DLGAP1: variants seen among roughly 807,000 people sequenced by gnomAD.
DLGAP1 encodes the protein disks large-associated protein 1.
A neutral mutation model predicts 90.8 loss-of-function variants in DLGAP1; 11 were observed. That is an observed-to-expected ratio of 0.12 (90% CI 0.08 to 0.20). DLGAP1 has a LOEUF of 0.20. Among genes scored for constraint, DLGAP1 ranks in the 10% least tolerant of loss-of-function variants. DLGAP1 has a pLI of 1.00. For synonymous variants in DLGAP1, 558 were observed against 540.7 expected (o/e 1.03, Z -0.44); for missense variants, 1,050 against 1,333.8 (o/e 0.79, Z 3.31).
At chr18:3,601,822 G>T (rs1357909240) in intron 7 of DLGAP1, among the ~76,000 whole-genome samples, 1 of 146,282 alleles carries the variant, frequency 6.8e-6, no homozygotes, top group African/African-American at 2.6e-5. Context: ...TCCAGCCTGG[G>T]TGACAGAGCG....
chr18:4,030,506 T>G (rs1172619838), intron 2 of DLGAP1, among the ~76,000 whole-genome samples: 1 of 152,214 alleles, frequency 6.6e-6, no homozygotes, highest in Non-Finnish European at 1.5e-5. Flanking sequence ...CATCTGAACC[T>G]CCAGCCCATC....
At chr18:3,507,254 G>A (rs1479203829) in intron 11 of DLGAP1, among the ~76,000 whole-genome samples, 1 of 152,284 alleles carries the variant, frequency 6.6e-6, no homozygotes, top group Non-Finnish European at 1.5e-5. Context: ...GGGAGGCCAA[G>A]ATGGGAGGAT....
intron 6 of DLGAP1, among the ~76,000 whole-genome samples, chr18:3,738,867 A>T (rs1475694826): frequency 1.3e-5 from 2 of 148,228 alleles, no homozygotes; most frequent in Non-Finnish European, 3.0e-5. Flanking sequence ...AATTTTTGCA[A>T]CCTACTCATC....
intron 1 of DLGAP1, among the ~76,000 whole-genome samples, chr18:4,169,207 T>C (rs1197089908): frequency 1.3e-5 from 2 of 152,212 alleles, no homozygotes; most frequent in Non-Finnish European, 2.9e-5. Flanking sequence ...TCCTTGTTAG[T>C]ATTTGTTATA....
intron 1 of DLGAP1, among the ~76,000 whole-genome samples, chr18:4,414,619 G>C (rs12958058): frequency 1.3e-5 from 2 of 151,858 alleles, no homozygotes; most frequent in African/African-American, 4.8e-5. Context: ...CCAGCTACTC[G>C]GGAGGCTGAG....
At chr18:4,072,596 A>T (rs925284566) in intron 2 of DLGAP1, among the ~76,000 whole-genome samples, 1 of 151,762 alleles carries the variant, frequency 6.6e-6, no homozygotes, top group Non-Finnish European at 1.5e-5. Flanking sequence ...CAGCCTCCAG[A>T]GTAGCTGGAA....
intron 2 of DLGAP1, among the ~76,000 whole-genome samples, chr18:4,105,411 AAGTCTTTTATTTC>A (rs1299281010): frequency 6.6e-6 from 1 of 152,228 alleles, no homozygotes; most frequent in Admixed American, 6.5e-5. Flanking sequence ...AGTGAAATAA[AAGTCTTTTATTTC>A]AGAGGTGGAA....
chr18:4,206,603 G>A (rs1462571525), intron 1 of DLGAP1, among the ~76,000 whole-genome samples: 1 of 152,150 alleles, frequency 6.6e-6, no homozygotes, highest in Non-Finnish European at 1.5e-5. Flanking sequence ...GCATGGCTCT[G>A]CCTACTGTCA....
rs1027256373 is a variant in DLGAP1 at position 3,499,360 on chromosome 18, G to A, written c.2759C>T (p.Pro920Leu). The A allele has an allele frequency of 2.5e-5, 39 of 1,551,592 alleles. No individual in the cohort carries two copies. Among genetic ancestry groups the A allele is most frequent in the Non-Finnish European group, 3.4e-5 (39 of 1,148,128 alleles). ...RRAPPPVPKK[P>L]AKGPAPLIRE... ...GATCAGCGGCGCGGGGCCCTTCGCCGGCTTCTTTGGCACTGGAGGAGGGGC... is the reference window on the plus strand; with the variant it reads ...GATCAGCGGCGCGGGGCCCTTCGCCAGCTTCTTTGGCACTGGAGGAGGGGC... Residue 920 changes from proline (P) to leucine (L), a missense_variant, in exon 13 of 13, where the codon CCG becomes CTG. Coordinates refer to ENST00000315677, the MANE Select transcript of DLGAP1 (RefSeq NM_004746.4). The surrounding 1 kb of genome is among the most constrained non-coding windows in gnomAD (Gnocchi z 6.4).
At chr18:4,296,874 C>T (rs1179400979) in intron 1 of DLGAP1, among the ~76,000 whole-genome samples, 1 of 152,158 alleles carries the variant, frequency 6.6e-6, no homozygotes, top group Non-Finnish European at 1.5e-5. Context: ...GGAAAAGTAG[C>T]CACTTTCTGA....
intron 1 of DLGAP1, among the ~76,000 whole-genome samples, chr18:4,282,993 G>A (rs1276114991): frequency 1.3e-5 from 2 of 152,000 alleles, no homozygotes; most frequent in African/African-American, 2.4e-5. Flanking sequence ...ACTCAGGATG[G>A]GGAAAACTTG....
chr18:4,254,100 A>C (rs2078837596), intron 1 of DLGAP1, among the ~76,000 whole-genome samples: 1 of 152,152 alleles, frequency 6.6e-6, no homozygotes, highest in Admixed American at 6.5e-5. Context: ...TATGTCAGGC[A>C]GGGATTGTCA....
rs192991842 is a variant in DLGAP1, at chr18:4,287,861, A to T, written c.-266-136574T>A. ...AACTTAAAGTATAATAATAAGAAAA[A>T]TTTTAAAAAATAAAATAATAAATAA... On this transcript the variant is annotated intron_variant, in intron 1 of 12. Coordinates refer to ENST00000315677, the MANE Select transcript of DLGAP1 (RefSeq NM_004746.4). Among the ~76,000 whole-genome samples the T allele has an allele frequency of 1.2e-4, 18 of 151,984 alleles. No individual in the cohort carries two copies. In the East Asian group the frequency reaches 3.5e-3, roughly 29 times the overall value.
intron 1 of DLGAP1, among the ~76,000 whole-genome samples, chr18:4,193,756 G>C (rs2077443340): frequency 6.6e-6 from 1 of 152,068 alleles, no homozygotes; most frequent in African/African-American, 2.4e-5. Flanking sequence ...AAAGCTAAAA[G>C]CTAGAGTTTT....
chr18:3,549,337 C>CT (rs398031867), intron 9 of DLGAP1, among the ~76,000 whole-genome samples: 61,506 of 144,498 alleles, frequency 0.43, 15,230 homozygotes, highest in African/African-American at 0.7. Context: ...CTCTCTCTCT[C>CT]TTTTTTTTTT....
chr18:3,597,222 T>A (rs1231398817), intron 7 of DLGAP1: 1 of 516,108 alleles, frequency 1.9e-6, no homozygotes, highest in African/African-American at 1.9e-5. Flanking sequence ...CTAGTATCAT[T>A]TCATGAAAAT....
At chr18:3,786,514 C>G (rs2065457387) in intron 5 of DLGAP1, among the ~76,000 whole-genome samples, 1 of 152,114 alleles carries the variant, frequency 6.6e-6, no homozygotes, top group African/African-American at 2.4e-5. Flanking sequence ...ATGGAAAAGG[C>G]TATCAGTGGT....
chr18:3,833,456 A>G (rs893144057), intron 4 of DLGAP1, among the ~76,000 whole-genome samples: 16 of 151,218 alleles, frequency 1.1e-4, no homozygotes, highest in African/African-American at 3.9e-4. Flanking sequence ...CTTGTCTCAA[A>G]CTCCTGACCC....
intron 7 of DLGAP1, among the ~76,000 whole-genome samples, chr18:3,672,656 A>C (rs1341535756): frequency 2.0e-5 from 3 of 150,162 alleles, no homozygotes; most frequent in African/African-American, 7.3e-5. Flanking sequence ...TAAGACTTTT[A>C]GAGACTACTC....
Sources: gnomAD v4.1 joint callset for allele counts (sites outside exome capture counted in the v4.1 genomes callset) on GRCh38, gnomAD v4.1.1 for gene constraint, Gnocchi (gnomAD v3.1) non-coding constraint, MANE v1.5 for transcripts, NCBI Gene and HGNC (gene_info 2026-07-23, HGNC 2026-07-21) for gene names.